R3HDM1: variants seen among roughly 807,000 people sequenced by gnomAD.
R3HDM1 encodes R3H domain containing 1.
R3HDM1 carries 46 observed loss-of-function variants against 141.1 expected under a neutral mutation model. That is an observed-to-expected ratio of 0.33 (90% CI 0.26 to 0.42). R3HDM1 has a LOEUF of 0.42. Ranked by LOEUF, R3HDM1 falls within the 10% of genes least tolerant of loss-of-function variation. R3HDM1 has a pLI of 1.00. For missense variants in R3HDM1, 1,184 were observed against 1,368.3 expected (o/e 0.87, Z 2.12); for synonymous variants, 435 against 472.9 (o/e 0.92, Z 1.04).
intron 21 of R3HDM1, among the ~76,000 whole-genome samples, chr2:135,680,942 G>T (rs2070192427): frequency 1.3e-5 from 2 of 152,262 alleles, no homozygotes; most frequent in African/African-American, 2.4e-5. Context: ...TTTTATAGGG[G>T]TCTGGAAAAA....
At chr2:135,671,414 G>GGCTGGAGT (rs1344667579) in intron 19 of R3HDM1, among the ~76,000 whole-genome samples, 1 of 151,872 alleles carries the variant, frequency 6.6e-6, no homozygotes, top group Non-Finnish European at 1.5e-5. Flanking sequence ...TTGTCGCCCA[G>GGCTGGAGT]GCTGGAGTGC....
chr2:135,587,796 T>C (rs954539786), intron 1 of R3HDM1, among the ~76,000 whole-genome samples: 4 of 152,148 alleles, frequency 2.6e-5, no homozygotes, highest in African/African-American at 7.2e-5. Context: ...ATTCTGTTTG[T>C]CTGTGCGTCT....
intron 5 of R3HDM1, among the ~76,000 whole-genome samples, chr2:135,618,164 AT>A (rs200816941): frequency 0.18 from 25,780 of 140,844 alleles, 3,448 homozygotes; most frequent in African/African-American, 0.39. Context: ...TTAATTTATG[AT>A]TTTTTTTTTT....
chr2:135,574,170 G>A (rs893089935), intron 1 of R3HDM1, among the ~76,000 whole-genome samples: 2 of 152,050 alleles, frequency 1.3e-5, no homozygotes, highest in African/African-American at 4.8e-5. Flanking sequence ...ATAAGATAAA[G>A]CGGTAAATAA....
chr2:135,659,718 G>A (rs1057266213), intron 18 of R3HDM1, among the ~76,000 whole-genome samples: 7 of 152,168 alleles, frequency 4.6e-5, no homozygotes, highest in African/African-American at 9.6e-5. Context: ...GAGTACAGGC[G>A]TCAGCTGCCA....
intron 1 of R3HDM1, among the ~76,000 whole-genome samples, chr2:135,543,634 A>G (rs568442942): frequency 2.0e-5 from 3 of 152,218 alleles, no homozygotes; most frequent in Admixed American, 6.5e-5. Context: ...AATGATAAAC[A>G]TTGCAAGTTT....
chr2:135,685,346 A>G (rs2071149227), intron 21 of R3HDM1, among the ~76,000 whole-genome samples: 1 of 152,092 alleles, frequency 6.6e-6, no homozygotes, highest in African/African-American at 2.4e-5. Flanking sequence ...CAGATATGGT[A>G]CGGCAACATG....
intron 1 of R3HDM1, among the ~76,000 whole-genome samples, chr2:135,551,046 G>C (rs1699748919): frequency 6.6e-6 from 1 of 152,202 alleles, no homozygotes; most frequent in Non-Finnish European, 1.5e-5. Flanking sequence ...CAGTGGACAA[G>C]GGACCTATAC....
At chr2:135,696,690 C>G (rs1359766000) in intron 21 of R3HDM1, among the ~76,000 whole-genome samples, 1 of 152,024 alleles carries the variant, frequency 6.6e-6, no homozygotes, top group African/African-American at 2.4e-5. Context: ...TAGGATCTCA[C>G]TGTATTACCC....
At chr2:135,692,463 A>G (rs2072568311) in intron 21 of R3HDM1, among the ~76,000 whole-genome samples, 1 of 152,084 alleles carries the variant, frequency 6.6e-6, no homozygotes, top group Non-Finnish European at 1.5e-5. Context: ...GTGGTGGCAC[A>G]TGCCTGTATT....
rs1257504522 is a variant in R3HDM1, at chr2:135,604,823, G to A, written c.-23G>A. 6.2e-7 allele frequency: 1 copy of A among 1,608,144 alleles called. No individual in the cohort carries two copies. The highest frequency in any genetic ancestry group is 2.2e-5 in the East Asian group (1 of 44,700). On this transcript the variant is annotated 5_prime_UTR_variant, in exon 3 of 27. It removes the in-frame stop codon of an upstream open reading frame in the 5' UTR. Transcript: ENST00000683871. ...TTCTTAAGGCTTCAAGCTCCCTGTA[G>A]AATTCGAAAATAACCTTTTCTAATG...
chr2:135,720,122 C>T lies in R3HDM1; in HGVS notation c.2882-1802C>T, dbSNP rs573776786. Among the ~76,000 whole-genome samples the T allele has an allele frequency of 1.8e-4, 28 of 152,296 alleles. 1 individual carries two copies. The East Asian group carries it at 4.2e-3, about 23-fold the overall frequency. ...CCTCCCAAAGTGCTGGAATTACAGG[C>T]GTGAGCCACCGCGCCCGGCCTTCAC... On this transcript the variant is annotated intron_variant, in intron 24 of 26. Transcript: ENST00000683871.
chr2:135,579,555 G>C (rs1444654392), intron 1 of R3HDM1, among the ~76,000 whole-genome samples: 1 of 140,230 alleles, frequency 7.1e-6, no homozygotes, highest in African/African-American at 2.7e-5. Context: ...CTCCCCACAA[G>C]ATATGAATTA....
At position 135,709,469 on chromosome 2, in the gene R3HDM1, A is replaced by G. The variant is rs2075374046; in HGVS notation, c.2496A>G (p.Glu832=). ...SVGYLQHPGS[E]QVQFPRTTSP... Reference sequence around the variant, plus strand: ...GTTACCTGCAACATCCAGGATCAGAACAAGTACAATTTCCTCGAACCACTT... The same window carrying G: ...GTTACCTGCAACATCCAGGATCAGAGCAAGTACAATTTCCTCGAACCACTT... Residue 832 remains glutamate (E), a synonymous_variant, in exon 22 of 27, where the codon GAA becomes GAG. Transcript: ENST00000683871. 1 of 1,614,196 alleles carries G rather than the reference A, an allele frequency of 6.2e-7. No homozygotes were observed. Among genetic ancestry groups the G allele is most frequent in the Non-Finnish European group, 8.5e-7 (1 of 1,180,026 alleles).
Position 135,723,977 on chromosome 2 carries a change from A to T in R3HDM1, c.3090A>T (p.Gly1030=). The T allele has an allele frequency of 6.2e-7, 1 of 1,613,900 alleles. No individual in the cohort carries two copies. The highest frequency in any genetic ancestry group is 1.3e-5 in the African/African-American group (1 of 74,956). The change falls in exon 27 of 27, where the codon GGA becomes GGT. Residue 1030 remains glycine (G), a synonymous_variant. Transcript: ENST00000683871. The stretch of plus-strand genomic sequence containing the variant: ...TGGAAATTACTGAACTACCAGATGG[A>T]ATAACTCGCATGGAAGCTGAAAAGC... ...KVLEITELPD[G]ITRMEAEKLF...
chr2:135,708,575 TATC>T (rs1278247848), intron 21 of R3HDM1, among the ~76,000 whole-genome samples: 4 of 152,216 alleles, frequency 2.6e-5, no homozygotes, highest in Admixed American at 1.3e-4. Flanking sequence ...CTCAGAATAG[TATC>T]ATTCTGTGGT....
chr2:135,641,201 A>G (rs1377123280), intron 14 of R3HDM1, among the ~76,000 whole-genome samples: 2 of 152,134 alleles, frequency 1.3e-5, no homozygotes, highest in African/African-American at 4.8e-5. Context: ...ATATATTCCT[A>G]GGTGTTAATC....
At chr2:135,567,405 C>T (rs578127168) in intron 1 of R3HDM1, among the ~76,000 whole-genome samples, 45 of 152,262 alleles carry the variant, frequency 3.0e-4, no homozygotes, top group African/African-American at 1.0e-3. Context: ...TACACGTACA[C>T]TCAATAAGCT....
At chr2:135,571,901 T>C (rs989478234) in intron 1 of R3HDM1, among the ~76,000 whole-genome samples, 3 of 152,210 alleles carry the variant, frequency 2.0e-5, no homozygotes, top group Non-Finnish European at 4.4e-5. Context: ...GCTAGAATTA[T>C]AGGTGTGAGC....
Sources: gnomAD v4.1 joint callset for allele counts (sites outside exome capture counted in the v4.1 genomes callset) on GRCh38, gnomAD v4.1.1 for gene constraint, MANE v1.5 for transcripts, NCBI Gene and HGNC (gene_info 2026-07-23, HGNC 2026-07-21) for gene names.